The following EYS variants were observed in gnomAD, a reference collection of about 807,000 sequenced individuals.
EYS encodes protein eyes shut homolog.
EYS carries 250 observed loss-of-function variants against 282.1 expected under a neutral mutation model. The observed-to-expected ratio is 0.89, with a 90% CI of 0.80 to 0.98. The LOEUF (loss-of-function observed/expected upper bound fraction) is 0.98. EYS is among the 50% of genes least tolerant of loss of function. The pLI, the probability that EYS is intolerant of heterozygous loss-of-function variation, is 0.00. For synonymous variants in EYS, 1,355 were observed against 1,282.9 expected (o/e 1.06, Z -1.20); for missense variants, 4,016 against 3,709.0 (o/e 1.08, Z -2.15).
chr6:64,423,864 A>C lies in EYS; in HGVS notation c.5927+12310T>G, dbSNP rs117218984. Among the ~76,000 whole-genome samples the C allele has an allele frequency of 1.6e-3, 238 of 152,332 alleles. 3 individuals carry two copies. The highest frequency in any genetic ancestry group is 0.012 in the Admixed American group (188 of 15,292). ...TGAGATCACCAATGGCAAGCTTTAT[A>C]TAATTCTGAATGGGTCACGTTACTT... On this transcript the variant is annotated intron_variant, in intron 28 of 42. Transcript: ENST00000503581.
At chr6:65,346,362 T>A (rs1770392104) in intron 9 of EYS, among the ~76,000 whole-genome samples, 1 of 137,540 alleles carries the variant, frequency 7.3e-6, no homozygotes, top group Non-Finnish European at 1.6e-5. Context: ...CAAACAAAAC[T>A]ATAACATTTT....
intron 26 of EYS, among the ~76,000 whole-genome samples, chr6:64,575,507 A>G (rs755845706): frequency 6.6e-6 from 1 of 152,132 alleles, no homozygotes; most frequent in Non-Finnish European, 1.5e-5. Flanking sequence ...GGTGGTAAGA[A>G]CTGCCTCAGA....
intron 2 of EYS, among the ~76,000 whole-genome samples, chr6:65,582,378 A>G (rs1188380510): frequency 6.6e-6 from 1 of 152,082 alleles, no homozygotes; most frequent in Non-Finnish European, 1.5e-5. Context: ...AGGACCAGGA[A>G]ACTTAATAAA....
At chr6:65,300,449 T>G (rs1768787997) in intron 11 of EYS, among the ~76,000 whole-genome samples, 1 of 152,198 alleles carries the variant, frequency 6.6e-6, no homozygotes, top group African/African-American at 2.4e-5. Context: ...CTTATTACTT[T>G]GAGGGCAGTA....
At chr6:64,018,594 T>A (rs1422129631) in intron 33 of EYS, among the ~76,000 whole-genome samples, 2 of 152,052 alleles carry the variant, frequency 1.3e-5, no homozygotes, top group Non-Finnish European at 2.9e-5. Flanking sequence ...TAGCATATGG[T>A]AGAAAAATGG....
At chr6:63,906,979 T>A (rs1773794002) in intron 35 of EYS, among the ~76,000 whole-genome samples, 1 of 152,118 alleles carries the variant, frequency 6.6e-6, no homozygotes, top group Non-Finnish European at 1.5e-5. Flanking sequence ...TCTAGCTCTT[T>A]AAAGTTTCAT....
chr6:63,795,085 G>A (rs1483565532), intron 37 of EYS, among the ~76,000 whole-genome samples: 1 of 152,150 alleles, frequency 6.6e-6, no homozygotes, highest in African/African-American at 2.4e-5. Context: ...AAAAAAAACT[G>A]GATCTCTCTT....
chr6:64,459,779 C>T (rs1310669266), intron 26 of EYS, among the ~76,000 whole-genome samples: 1 of 152,122 alleles, frequency 6.6e-6, no homozygotes, highest in Admixed American at 6.5e-5. Context: ...TTAGATAGTG[C>T]CAGCCAGATT....
intron 12 of EYS, among the ~76,000 whole-genome samples, chr6:65,152,643 G>T (rs1304369559): frequency 6.6e-6 from 1 of 151,856 alleles, no homozygotes. Context: ...TAAGCCATTA[G>T]TTTGTGGTAT....
intron 2 of EYS, among the ~76,000 whole-genome samples, chr6:65,525,279 A>G (rs1481407252): frequency 1.3e-5 from 2 of 152,200 alleles, no homozygotes; most frequent in Non-Finnish European, 2.9e-5. Context: ...CAACTTGATT[A>G]TTGTAATCAT....
At chr6:64,211,084 T>C (rs997814003) in intron 31 of EYS, among the ~76,000 whole-genome samples, 2 of 152,104 alleles carry the variant, frequency 1.3e-5, no homozygotes, top group African/African-American at 4.8e-5. Context: ...ACTGAGTGTC[T>C]TGGGGTCGTG....
chr6:64,082,196 G>T (rs1771995935), intron 31 of EYS, among the ~76,000 whole-genome samples, 194 bp from the exon 32 acceptor site: 1 of 152,066 alleles, frequency 6.6e-6, no homozygotes, highest in Non-Finnish European at 1.5e-5. Flanking sequence ...TTCACTACCA[G>T]TACAGAGGAA....
At chr6:64,473,554 T>C (rs937421596) in intron 26 of EYS, among the ~76,000 whole-genome samples, 5 of 152,210 alleles carry the variant, frequency 3.3e-5, no homozygotes, top group African/African-American at 1.2e-4. Flanking sequence ...ACAAAGTAAA[T>C]ATTAGTAAAT....
chr6:64,494,182 G>A (rs1776822471), intron 26 of EYS, among the ~76,000 whole-genome samples: 1 of 151,550 alleles, frequency 6.6e-6, no homozygotes, highest in African/African-American at 2.4e-5. Flanking sequence ...CTCAAGAGGG[G>A]AAATTGCCTC....
chr6:64,452,660 G>A (rs1402813912), intron 26 of EYS, among the ~76,000 whole-genome samples: 1 of 152,044 alleles, frequency 6.6e-6, no homozygotes, highest in Non-Finnish European at 1.5e-5. Flanking sequence ...CCAAAACAGA[G>A]ATACAGACCA....
intron 22 of EYS, among the ~76,000 whole-genome samples, chr6:64,704,472 TA>T (rs1271969267): frequency 2.6e-4 from 16 of 62,248 alleles, no homozygotes; most frequent in Non-Finnish European, 5.3e-4. Context: ...ATATAATACT[TA>T]TAATTATATT....
chr6:64,872,247 T>C (rs565570020), intron 19 of EYS, among the ~76,000 whole-genome samples: 2 of 152,144 alleles, frequency 1.3e-5, no homozygotes, highest in South Asian at 2.1e-4. Context: ...GTCTTCTACA[T>C]TGTAATAAGA....
At chr6:64,593,407 A>G in intron 24 of EYS, 98 bp from the exon 25 acceptor site, 1 of 841,626 alleles carries the variant, frequency 1.2e-6, no homozygotes, top group Non-Finnish European at 1.8e-6. Context: ...ATTTCCATAG[A>G]CATATTGGAT....
At chr6:63,987,123 C>T (rs1582084994) in intron 34 of EYS, among the ~76,000 whole-genome samples, 1 of 151,668 alleles carries the variant, frequency 6.6e-6, no homozygotes, top group Non-Finnish European at 1.5e-5. Flanking sequence ...TTCATAGAAG[C>T]TAAATTGTCT....
Sources: gnomAD v4.1 joint callset for allele counts (sites outside exome capture counted in the v4.1 genomes callset) on GRCh38, gnomAD v4.1.1 for gene constraint, MANE v1.5 for transcripts, NCBI Gene and HGNC (gene_info 2026-07-23, HGNC 2026-07-21) for gene names.